Variants in KCTD16 observed in about 807,000 individuals in gnomAD.
KCTD16 encodes BTB/POZ domain-containing protein KCTD16.
Under a neutral mutation model 33.2 loss-of-function variants are expected in KCTD16, and 13 were observed. That is an observed-to-expected ratio of 0.39 (90% CI 0.25 to 0.62). KCTD16 has a LOEUF of 0.62. Among genes scored for constraint, KCTD16 ranks in the 20% least tolerant of loss-of-function variants. The probability of loss-of-function intolerance (pLI) is 0.50; values close to 1 mark genes in which losing one functional copy is unlikely to be tolerated. For synonymous variants in KCTD16, 197 were observed against 195.3 expected, an observed-to-expected ratio of 1.01 and a Z score of -0.07; for missense variants, 441 against 525.1, an observed-to-expected ratio of 0.84 and a Z score of 1.57.
chr5:144,457,306 A>C (rs550095312), intron 3 of KCTD16, among the ~76,000 whole-genome samples: 2 of 152,382 alleles, frequency 1.3e-5, no homozygotes, highest in South Asian at 4.1e-4. Flanking sequence ...CCATTTACAA[A>C]GCAATGCTGT....
chr5:144,316,981 C>T (rs1751935715), intron 3 of KCTD16, among the ~76,000 whole-genome samples: 1 of 151,834 alleles, frequency 6.6e-6, no homozygotes, highest in Admixed American at 6.6e-5. Context: ...GTGCACGCCA[C>T]AACGCCCAGC....
chr5:144,413,821 G>T (rs1365911657), intron 3 of KCTD16, among the ~76,000 whole-genome samples: 2 of 152,148 alleles, frequency 1.3e-5, no homozygotes, highest in African/African-American at 2.4e-5. Context: ...TTGAATAGTG[G>T]TCTTCAATAG....
At chr5:144,344,775 A>G (rs1752741439) in intron 3 of KCTD16, among the ~76,000 whole-genome samples, 1 of 150,276 alleles carries the variant, frequency 6.7e-6, no homozygotes. Flanking sequence ...AACTAGTTCA[A>G]CCCTTGTGGA....
At chr5:144,197,471 C>T (rs948989474) in intron 2 of KCTD16, among the ~76,000 whole-genome samples, 24 of 152,106 alleles carry the variant, frequency 1.6e-4, no homozygotes, top group Admixed American at 1.6e-3. Context: ...TACCACTGGC[C>T]TAATTGGTGG....
At chr5:144,321,414 C>T (rs1047003671) in intron 3 of KCTD16, among the ~76,000 whole-genome samples, 3 of 152,110 alleles carry the variant, frequency 2.0e-5, no homozygotes, top group Admixed American at 2.0e-4. Flanking sequence ...TTCTTATGAA[C>T]CCTAGATTTT....
intron 3 of KCTD16, among the ~76,000 whole-genome samples, chr5:144,277,572 G>A (rs1303391581): frequency 6.6e-6 from 1 of 152,172 alleles, no homozygotes; most frequent in Non-Finnish European, 1.5e-5. Flanking sequence ...GCAAGACAGT[G>A]GCAGGGCCAG....
rs1012567351 is a variant in KCTD16 at position 144,479,379 on chromosome 5, A to AG, written c.*5265_*5266insG. On this transcript the variant is annotated 3_prime_UTR_variant, in exon 4 of 4. Coordinates refer to ENST00000512467, the MANE Select transcript of KCTD16 (RefSeq NM_020768.4). ...AAGAATAAATGCAAAAAAAAAAAAA[A>AG]AAGAAAAAGAAAAAGAAAGCAAGAA... is the stretch of plus-strand genomic sequence containing the variant. 6.6e-6 allele frequency: 1 copy of AG among 150,934 alleles called. No homozygotes were observed. Among genetic ancestry groups the AG allele is most frequent in the African/African-American group, 2.4e-5 (1 of 41,236 alleles). 9.3% of individuals were successfully genotyped at this position (150,934 alleles called of 1,614,324 possible).
intron 3 of KCTD16, among the ~76,000 whole-genome samples, chr5:144,216,225 T>C (rs189251432): frequency 2.5e-4 from 38 of 152,326 alleles, no homozygotes; most frequent in African/African-American, 8.7e-4. Flanking sequence ...AATAGGATCA[T>C]TGAAATTGCT....
chr5:144,406,678 C>T lies in KCTD16; in HGVS notation c.833-66982C>T, dbSNP rs746603111. ...CTGCTTCACAAACCTTGGCCAACGG[C>T]ACTCATTCACAGCAACGAATGGAGA... On this transcript the variant is annotated intron_variant, in intron 3 of 3. Coordinates refer to ENST00000512467, the MANE Select transcript of KCTD16 (RefSeq NM_020768.4). 2.5e-4 allele frequency among the ~76,000 whole-genome samples: 38 copies of T among 152,298 alleles called. 1 individual carries two copies. Among genetic ancestry groups the T allele is most frequent in the Middle Eastern group, 6.8e-3 (2 of 294 alleles).
chr5:144,365,650 G>T (rs1057351427), intron 3 of KCTD16, among the ~76,000 whole-genome samples: 2 of 152,194 alleles, frequency 1.3e-5, no homozygotes, highest in African/African-American at 4.8e-5. Flanking sequence ...AATGGCAAAG[G>T]CAGTGGGATG....
intron 3 of KCTD16, among the ~76,000 whole-genome samples, chr5:144,325,404 C>T (rs762169000): frequency 7.2e-4 from 109 of 152,114 alleles, no homozygotes; most frequent in Admixed American, 7.9e-4. Context: ...TCCCAGGATA[C>T]GGTCTAATTC....
chr5:144,330,867 C>T (rs1247315862), intron 3 of KCTD16, among the ~76,000 whole-genome samples: 1 of 152,184 alleles, frequency 6.6e-6, no homozygotes, highest in Non-Finnish European at 1.5e-5. Flanking sequence ...TCTTCCCATG[C>T]TCTGCTGCTG....
intron 2 of KCTD16, among the ~76,000 whole-genome samples, chr5:144,174,876 A>G (rs1162085182): frequency 6.6e-6 from 1 of 152,226 alleles, no homozygotes; most frequent in Non-Finnish European, 1.5e-5. Flanking sequence ...TGTAGAGATC[A>G]AAAATACCCT....
chr5:144,227,155 C>G (rs757387996), intron 3 of KCTD16, among the ~76,000 whole-genome samples: 8 of 152,018 alleles, frequency 5.3e-5, no homozygotes, highest in Non-Finnish European at 1.2e-4. Flanking sequence ...AATTATGTCA[C>G]AAGGATATGT....
intron 3 of KCTD16, among the ~76,000 whole-genome samples, chr5:144,368,512 C>T (rs1751889928): frequency 6.6e-6 from 1 of 152,070 alleles, no homozygotes; most frequent in Admixed American, 6.6e-5. Flanking sequence ...AGACCAGTAG[C>T]CACAAGAAGT....
chr5:144,224,379 A>ATG (rs1168499902), intron 3 of KCTD16, among the ~76,000 whole-genome samples: 9 of 97,356 alleles, frequency 9.2e-5, no homozygotes, highest in Admixed American at 4.3e-4. Flanking sequence ...GATCAATATA[A>ATG]TGTGTTTTTT....
At chr5:144,255,414 T>C (rs1165997932) in intron 3 of KCTD16, among the ~76,000 whole-genome samples, 1 of 149,226 alleles carries the variant, frequency 6.7e-6, no homozygotes, top group Non-Finnish European at 1.5e-5. Flanking sequence ...CTCCATTCCA[T>C]TTTCCATCAG....
At chr5:144,197,263 T>C (rs1454253404) in intron 2 of KCTD16, among the ~76,000 whole-genome samples, 1 of 152,202 alleles carries the variant, frequency 6.6e-6, no homozygotes, top group Non-Finnish European at 1.5e-5. Flanking sequence ...AATGTCTTAT[T>C]TCTATAAGCT....
rs551573673 is a variant in KCTD16, at chr5:144,378,266, C to A, written c.833-95394C>A. Among the ~76,000 whole-genome samples the A allele has an allele frequency of 5.5e-4, 83 of 152,218 alleles. 1 individual carries two copies. The highest frequency in any genetic ancestry group is 2.0e-3 in the African/African-American group (81 of 41,538). On this transcript the variant is annotated intron_variant, in intron 3 of 3. Transcript: ENST00000512467. ...TAGTGAAAAGTAATAGAAGAACTTACAGCTATGAAATTCCAGACACAGAGA... is the reference window on the plus strand; with the variant it reads ...TAGTGAAAAGTAATAGAAGAACTTAAAGCTATGAAATTCCAGACACAGAGA...
Sources: allele counts gnomAD v4.1 joint callset (sites outside exome capture counted in the v4.1 genomes callset), GRCh38; gene constraint gnomAD v4.1.1; transcripts MANE v1.5; gene names NCBI Gene and HGNC (gene_info 2026-07-23, HGNC 2026-07-21).